The following ACTL6A variants were observed in gnomAD, a reference collection of about 807,000 sequenced individuals.
The protein encoded by ACTL6A is actin-like protein 6A.
A neutral mutation model predicts 59.2 loss-of-function variants in ACTL6A; 5 were observed. That is an observed-to-expected ratio of 0.08 (90% CI 0.04 to 0.18). The LOEUF (loss-of-function observed/expected upper bound fraction) is 0.18, where lower values mean the gene tolerates loss of function less well. ACTL6A is among the 10% of genes least tolerant of loss of function. ACTL6A has a pLI of 1.00. For synonymous variants in ACTL6A, 154 were observed against 171.8 expected, an observed-to-expected ratio of 0.90 and a Z score of 0.81; for missense variants, 285 against 526.9, an observed-to-expected ratio of 0.54 and a Z score of 4.49.
intron 8 of ACTL6A, among the ~76,000 whole-genome samples, chr3:179,577,622 T>TCTG (rs1280606939): frequency 6.6e-6 from 1 of 152,194 alleles, no homozygotes; most frequent in Non-Finnish European, 1.5e-5. Context: ...AGTTATTTTT[T>TCTG]CTGCTCCATT....
intron 1 of ACTL6A, among the ~76,000 whole-genome samples, chr3:179,567,023 G>A (rs1717857527): frequency 6.6e-6 from 1 of 152,052 alleles, no homozygotes; most frequent in African/African-American, 2.4e-5. Context: ...ACTCATACTG[G>A]ATTAGGACCC....
chr3:179,568,058 G>C (rs146755520), intron 1 of ACTL6A, among the ~76,000 whole-genome samples: 4,295 of 151,662 alleles, frequency 0.028, 133 homozygotes, highest in East Asian at 0.12. Context: ...TGTAGTCCCA[G>C]CTGCTCAGGA....
At chr3:179,573,249 A>G in intron 3 of ACTL6A, 120 bp from the exon 4 acceptor site, 1 of 605,846 alleles carries the variant, frequency 1.7e-6, no homozygotes. Flanking sequence ...TTGATCTGTA[A>G]AATCAGTAGG....
At chr3:179,586,349 T>C in intron 12 of ACTL6A, 197 bp from the exon 13 acceptor site, 1 of 420,624 alleles carries the variant, frequency 2.4e-6, no homozygotes, top group South Asian at 4.2e-5. Flanking sequence ...CCTGGCTGGG[T>C]GCAAGTGGCT....
intron 1 of ACTL6A, among the ~76,000 whole-genome samples, chr3:179,567,712 TGTG>T (rs1717878582): frequency 6.6e-6 from 1 of 152,216 alleles, no homozygotes; most frequent in Non-Finnish European, 1.5e-5. Flanking sequence ...GTTTAGGTGC[TGTG>T]GTGAAAACAA....
chr3:179,566,503 T>C (rs1217241304), intron 1 of ACTL6A, among the ~76,000 whole-genome samples: 3 of 152,182 alleles, frequency 2.0e-5, no homozygotes, highest in African/African-American at 7.2e-5. Context: ...TACCACAGTC[T>C]GTGTGGCTTA....
Position 179,570,972 on chromosome 3 carries a change from C to T in ACTL6A, c.277+731C>T, listed in dbSNP as rs1264040902. Among the ~76,000 whole-genome samples, 3 of 151,960 alleles carry T rather than the reference C, an allele frequency of 2.0e-5. No homozygotes were observed. The highest frequency in any genetic ancestry group is 4.4e-5 in the Non-Finnish European group (3 of 67,980). On this transcript the variant is annotated intron_variant, in intron 3 of 13. Coordinates refer to ENST00000429709, the MANE Select transcript of ACTL6A (RefSeq NM_004301.5). This position sits in a 1 kb window ranked among gnomAD's most constrained non-coding sequence, Gnocchi z 4.3. ...ATTCTGAAGGGACTTTCAGGGTAACCAGGAGACAAATGGTACTAAATGATC... is the reference window on the plus strand; with the variant it reads ...ATTCTGAAGGGACTTTCAGGGTAACTAGGAGACAAATGGTACTAAATGATC...
chr3:179,562,997 G>T lies in ACTL6A; in HGVS notation c.-96G>T, dbSNP rs1717708175. 2.6e-6 allele frequency: 4 copies of T among 1,513,234 alleles called. No homozygotes were observed. The African/African-American group carries it at 4.1e-5, about 16-fold the overall frequency. The allele number at this position is 1,513,234 out of a possible 1,614,324, so 93.7% of individuals were successfully genotyped here. On this transcript the variant is annotated 5_prime_UTR_variant, in exon 1 of 14. Transcript: ENST00000429709. ...AGGTGGGTGGCGGTGGAAGTTAAGG[G>T]AGTCAGGGGCTATCGCTCCTCGAGA...
intron 8 of ACTL6A, among the ~76,000 whole-genome samples, chr3:179,578,186 G>T (rs1235526823): frequency 2.6e-5 from 4 of 152,164 alleles, no homozygotes; most frequent in Non-Finnish European, 5.9e-5. Context: ...CGGGTGCAGT[G>T]GCTCACGCCT....
chr3:179,585,870 AG>A (rs1718474564), intron 12 of ACTL6A, among the ~76,000 whole-genome samples: 1 of 152,180 alleles, frequency 6.6e-6, no homozygotes, highest in Non-Finnish European at 1.5e-5. Context: ...CTAATTTGGA[AG>A]GAAATAGTAT....
At chr3:179,573,572 G>T in intron 4 of ACTL6A, 103 bp downstream of exon 4, 1 of 749,688 alleles carries the variant, frequency 1.3e-6, no homozygotes. Flanking sequence ...TTTCTTTAAA[G>T]AGGCATAGAA....
intron 13 of ACTL6A, 65 bp from the exon 14 acceptor site, chr3:179,587,865 A>T (rs73883565): frequency 0.084 from 119,894 of 1,420,964 alleles, 5,365 homozygotes; most frequent in South Asian, 0.16. Flanking sequence ...AAAAAAAAAA[A>T]ATTTTTTAAG....
chr3:179,562,949 T>G lies in ACTL6A; in HGVS notation c.-144T>G, dbSNP rs1717705093. On this transcript the variant is annotated 5_prime_UTR_variant, in exon 1 of 14. Transcript: ENST00000429709. ...GCAAGTGTGGCTGAGCTCCGGGGTG[T>G]GTGGACGCCGCTTTGTTGCCTGAGG... The G allele has an allele frequency of 1.9e-6, 2 of 1,049,426 alleles. No individual in the cohort carries two copies. The highest frequency in any genetic ancestry group is 2.6e-5 in the East Asian group (1 of 38,698). The allele number at this position is 1,049,426 out of a possible 1,614,324, so 65.0% of individuals were successfully genotyped here. A position where few individuals can be genotyped will look rare whatever the true frequency, so the allele number is the denominator to read the frequency against.
At chr3:179,574,494 C>A in intron 5 of ACTL6A, 27 bp downstream of exon 5, 1 of 1,402,756 alleles carries the variant, frequency 7.1e-7, no homozygotes, top group Non-Finnish European at 1.0e-6. Context: ...AATACCTTTC[C>A]TCTTGAAGTA....
chr3:179,565,423 CATAT>C (rs10575925), intron 1 of ACTL6A, among the ~76,000 whole-genome samples: 18 of 149,332 alleles, frequency 1.2e-4, no homozygotes, highest in South Asian at 2.1e-4. Flanking sequence ...CAAAAACAAA[CATAT>C]ATATATGTGT....
At position 179,578,423 on chromosome 3, in the gene ACTL6A, C is replaced by T. The variant is rs545450799; in HGVS notation, c.768+1510C>T. Reference sequence around the variant, plus strand: ...GAGCCAACACGGTGCCACTGCGCTCCTGCCTGGGCGACAGAGTGAGACTCC... The same window carrying T: ...GAGCCAACACGGTGCCACTGCGCTCTTGCCTGGGCGACAGAGTGAGACTCC... On this transcript the variant is annotated intron_variant, in intron 8 of 13. Coordinates refer to ENST00000429709, the MANE Select transcript of ACTL6A (RefSeq NM_004301.5). Among the ~76,000 whole-genome samples the T allele has an allele frequency of 8.5e-5, 13 of 152,226 alleles. No individual in the cohort carries two copies. The South Asian group carries it at 2.5e-3, about 29-fold the overall frequency.
intron 1 of ACTL6A, among the ~76,000 whole-genome samples, chr3:179,568,351 C>T (rs748470672): frequency 2.0e-5 from 3 of 151,980 alleles, no homozygotes; most frequent in Non-Finnish European, 4.4e-5. Context: ...GTATGTAATA[C>T]AATACTGCAT....
rs1717716375 is a variant in ACTL6A at position 179,563,158 on chromosome 3, C to T, written c.25+41C>T. 3 of 1,593,954 alleles carry T rather than the reference C, an allele frequency of 1.9e-6. No homozygotes were observed. The East Asian group carries it at 6.8e-5, about 36-fold the overall frequency. ...CGGACGAGAGAGCGCGCCTTTTCGG[C>T]GTGTGGGGTTTGTAACCGCCGCTCC... On this transcript the variant is annotated intron_variant, in intron 1 of 13. Transcript: ENST00000429709.
chr3:179,577,016 C>T, intron 8 of ACTL6A, 103 bp downstream of exon 8: 1 of 747,388 alleles, frequency 1.3e-6, no homozygotes, highest in Non-Finnish European at 2.1e-6. Context: ...AATATGGGCA[C>T]TTTATATTTT....
Sources: gnomAD v4.1 joint callset for allele counts (sites outside exome capture counted in the v4.1 genomes callset) on GRCh38, gnomAD v4.1.1 for gene constraint, Gnocchi (gnomAD v3.1) non-coding constraint, MANE v1.5 for transcripts, NCBI Gene and HGNC (gene_info 2026-07-23, HGNC 2026-07-21) for gene names.